Variants in PALM observed in about 807,000 individuals in gnomAD.
The protein encoded by PALM is paralemmin-1.
PALM carries 18 observed loss-of-function variants against 30.7 expected under a neutral mutation model. The observed-to-expected ratio is 0.59, with a 90% CI of 0.41 to 0.87. The LOEUF (loss-of-function observed/expected upper bound fraction) is 0.87, where lower values mean the gene tolerates loss of function less well. Ranked by LOEUF, PALM falls within the 40% of genes least tolerant of loss-of-function variation. The probability of loss-of-function intolerance (pLI) is 0.00; values close to 1 mark genes in which losing one functional copy is unlikely to be tolerated. For missense variants in PALM, 529 were observed against 555.4 expected (o/e 0.95, Z 0.48); for synonymous variants, 286 against 242.8 (o/e 1.18, Z -1.66).
In PALM at chr19:727,696, T is replaced by C; in HGVS notation, c.269+2T>C. 6.4e-7 allele frequency: 1 copy of C among 1,551,618 alleles called. No individual in the cohort carries two copies. Among genetic ancestry groups the C allele is most frequent in the Non-Finnish European group, 8.7e-7 (1 of 1,147,434 alleles). On this transcript the variant is annotated splice_donor_variant, in intron 4 of 8. Coordinates refer to ENST00000338448, the MANE Select transcript of PALM (RefSeq NM_002579.3). LOFTEE classifies it high-confidence loss of function. Reference sequence around the variant, plus strand: ...GCTGCTGGAGGACTCGGTGTCCAGGTGGGGGCTGCAGCGTGGGTGCCACCG... The same window carrying C: ...GCTGCTGGAGGACTCGGTGTCCAGGCGGGGGCTGCAGCGTGGGTGCCACCG...
chr19:715,274 A>G (rs1191132730), intron 1 of PALM, among the ~76,000 whole-genome samples: 1 of 152,150 alleles, frequency 6.6e-6, no homozygotes, highest in Non-Finnish European at 1.5e-5. Flanking sequence ...TCCGTCTCAA[A>G]AAAAAAAAGC....
At chr19:740,803 C>A (rs563338717) in intron 8 of PALM, among the ~76,000 whole-genome samples, 1 of 152,124 alleles carries the variant, frequency 6.6e-6, no homozygotes, top group Non-Finnish European at 1.5e-5. Flanking sequence ...GGTGGCAAAC[C>A]GGGCCCTTCC....
intron 1 of PALM, among the ~76,000 whole-genome samples, chr19:725,693 G>A (rs1209533560): frequency 1.3e-5 from 2 of 152,110 alleles, no homozygotes; most frequent in Non-Finnish European, 2.9e-5. Context: ...TGGGAGGTGG[G>A]GCTGGTGGGT....
At chr19:714,463 A>G (rs1481203911) in intron 1 of PALM, among the ~76,000 whole-genome samples, 3 of 138,348 alleles carry the variant, frequency 2.2e-5, no homozygotes, top group Non-Finnish European at 4.6e-5. Flanking sequence ...GGTTCATGCC[A>G]TTCTCCTGCC....
Position 736,138 on chromosome 19 carries a change from G to C in PALM, c.502+60G>C. On this transcript the variant is annotated intron_variant, in intron 7 of 8. Transcript: ENST00000338448. Reference sequence around the variant, plus strand: ...AGCCGCTGTCAGGGACCAAGTCTCGGTCCGGGGGGCCGGGTGGGGCGGGGG... The same window carrying C: ...AGCCGCTGTCAGGGACCAAGTCTCGCTCCGGGGGGCCGGGTGGGGCGGGGG... 1.2e-5 allele frequency: 15 copies of C among 1,291,764 alleles called. 1 individual carries two copies. In the South Asian group the frequency reaches 1.9e-4, roughly 16 times the overall value. 80.0% of individuals were successfully genotyped at this position (1,291,764 alleles called of 1,614,324 possible).
At chr19:712,600 G>A (rs1219340432) in intron 1 of PALM, among the ~76,000 whole-genome samples, 1 of 151,444 alleles carries the variant, frequency 6.6e-6, no homozygotes, top group Admixed American at 6.6e-5. Context: ...AGCCAGGATG[G>A]TCTCAATCTC....
At chr19:721,674 C>T (rs1160652396) in intron 1 of PALM, among the ~76,000 whole-genome samples, 2 of 147,288 alleles carry the variant, frequency 1.4e-5, no homozygotes, top group African/African-American at 5.0e-5. Context: ...CTCGGCTCAC[C>T]GTGACTTCTG....
intron 1 of PALM, among the ~76,000 whole-genome samples, chr19:710,660 C>A (rs1291107810): frequency 1.1e-5 from 1 of 94,228 alleles, no homozygotes; most frequent in Admixed American, 1.0e-4. Context: ...TGCCCCCCCC[C>A]CACCCCCCCT....
At chr19:716,802 G>A (rs556966005) in intron 1 of PALM, among the ~76,000 whole-genome samples, 11 of 152,174 alleles carry the variant, frequency 7.2e-5, no homozygotes, top group Admixed American at 3.9e-4. Flanking sequence ...ATACACACAC[G>A]TACACAGGTA....
intron 7 of PALM, among the ~76,000 whole-genome samples, chr19:738,307 A>G (rs2033082642): frequency 1.3e-5 from 2 of 152,180 alleles, no homozygotes; most frequent in South Asian, 2.1e-4. Flanking sequence ...GGGGCAGATC[A>G]TGAGGTCAGG....
chr19:746,843 C>T lies in PALM; in HGVS notation c.*29C>T. 7 of 1,373,480 alleles carry T rather than the reference C, an allele frequency of 5.1e-6. No homozygotes were observed. Among genetic ancestry groups the T allele is most frequent in the Non-Finnish European group, 5.9e-6 (6 of 1,019,558 alleles). 85.1% of individuals were successfully genotyped at this position (1,373,480 alleles called of 1,614,324 possible). ...GGCCCCCGAGACCCCGGCCCCCACC[C>T]CACACCACAGACACCCACCAGCCCG... On this transcript the variant is annotated 3_prime_UTR_variant, in exon 9 of 9. Transcript: ENST00000338448. This position sits in a 1 kb window ranked among gnomAD's most constrained non-coding sequence, Gnocchi z 7.1.
chr19:746,825 G>A lies in PALM; in HGVS notation c.*11G>A, dbSNP rs1318359859. ...TGCTCCATCATGTGAGCCGGCCCCC[G>A]AGACCCCGGCCCCCACCCCACACCA... On this transcript the variant is annotated 3_prime_UTR_variant, in exon 9 of 9. Coordinates refer to ENST00000338448, the MANE Select transcript of PALM (RefSeq NM_002579.3). The surrounding 1 kb of genome is among the most constrained non-coding windows in gnomAD (Gnocchi z 7.1). 2.1e-5 allele frequency: 30 copies of A among 1,441,266 alleles called. No individual in the cohort carries two copies. The highest frequency in any genetic ancestry group is 2.7e-5 in the Non-Finnish European group (29 of 1,084,098). The allele number at this position is 1,441,266 out of a possible 1,614,324, so 89.3% of individuals were successfully genotyped here. A position where few individuals can be genotyped will look rare whatever the true frequency, so the allele number is the denominator to read the frequency against.
chr19:712,757 C>A (rs1194308048), intron 1 of PALM, among the ~76,000 whole-genome samples: 1 of 151,324 alleles, frequency 6.6e-6, no homozygotes, highest in Non-Finnish European at 1.5e-5. Flanking sequence ...CTCACTGCAA[C>A]CTCTGCCTCC....
chr19:740,493 C>A lies in PALM; in HGVS notation c.634+10C>A, dbSNP rs1376056118. On this transcript the variant is annotated intron_variant, in intron 8 of 8. Transcript: ENST00000338448. The stretch of plus-strand genomic sequence containing the variant: ...GAGGACGAGACCAAAGGTACGAGCA[C>A]CCCGGCCCCTGCCCTCCCTCCACCT... 1 of 1,547,648 alleles carries A rather than the reference C, an allele frequency of 6.5e-7. No individual in the cohort carries two copies. Among genetic ancestry groups the A allele is most frequent in the Admixed American group, 2.0e-5 (1 of 50,764 alleles).
intron 1 of PALM, among the ~76,000 whole-genome samples, chr19:713,441 A>G (rs34963270): frequency 0.28 from 43,298 of 151,924 alleles, 6,800 homozygotes; most frequent in East Asian, 0.44. Flanking sequence ...ATTAGGGGAG[A>G]TAGGGGTAGA....
intron 1 of PALM, among the ~76,000 whole-genome samples, chr19:715,155 C>T (rs1296553602): frequency 1.3e-5 from 2 of 152,150 alleles, no homozygotes; most frequent in South Asian, 2.1e-4. Flanking sequence ...ATAATCCCAG[C>T]TACTCGGGAG....
At chr19:717,578 G>A (rs2144852962) in intron 1 of PALM, among the ~76,000 whole-genome samples, 1 of 152,216 alleles carries the variant, frequency 6.6e-6, no homozygotes, top group Admixed American at 6.5e-5. Flanking sequence ...TGGTTTATCT[G>A]TGAATCTGTA....
intron 1 of PALM, among the ~76,000 whole-genome samples, chr19:716,580 G>A (rs866484799): frequency 6.6e-6 from 1 of 152,284 alleles, no homozygotes; most frequent in South Asian, 2.1e-4. Flanking sequence ...CCTGAAGGCC[G>A]GGGAGGGACA....
At chr19:710,440 C>T (rs1197482011) in intron 1 of PALM, among the ~76,000 whole-genome samples, 2 of 152,198 alleles carry the variant, frequency 1.3e-5, no homozygotes, top group African/African-American at 4.8e-5. Flanking sequence ...GTTTATCTGC[C>T]CTGCTCGCCA....
Sources: gnomAD v4.1 joint callset for allele counts (sites outside exome capture counted in the v4.1 genomes callset) on GRCh38, gnomAD v4.1.1 for gene constraint, Gnocchi (gnomAD v3.1) non-coding constraint, MANE v1.5 for transcripts, NCBI Gene and HGNC (gene_info 2026-07-23, HGNC 2026-07-21) for gene names.